The following FGF14 variants were observed in gnomAD, a reference collection of about 807,000 sequenced individuals.
FGF14 encodes fibroblast growth factor homologous factor 4.
In FGF14, 5 loss-of-function variants were observed where a neutral mutation model predicts 25.5. The ratio of observed to expected loss-of-function variants is 0.20; its 90% CI spans 0.10 to 0.41. The LOEUF (loss-of-function observed/expected upper bound fraction) is 0.41. Among genes scored for constraint, FGF14 ranks in the 10% least tolerant of loss-of-function variants. FGF14 has a pLI of 1.00. For synonymous variants in FGF14, 138 were observed against 118.3 expected, an observed-to-expected ratio of 1.17 and a Z score of -1.08; for missense variants, 222 against 320.1, an observed-to-expected ratio of 0.69 and a Z score of 2.34.
At chr13:102,349,513 C>T (rs1337117931) in intron 1 of FGF14, among the ~76,000 whole-genome samples, 2 of 152,276 alleles carry the variant, frequency 1.3e-5, no homozygotes, top group East Asian at 3.9e-4. Flanking sequence ...CTGATTTGAA[C>T]GTGTTGAACA....
chr13:102,064,682 C>T (rs1236735009), intron 1 of FGF14, among the ~76,000 whole-genome samples: 1 of 151,920 alleles, frequency 6.6e-6, no homozygotes, highest in African/African-American at 2.4e-5. Flanking sequence ...CTGGGTTCTG[C>T]ATCTGCAGAT....
intron 1 of FGF14, among the ~76,000 whole-genome samples, chr13:102,056,246 A>T (rs1307778986): frequency 2.6e-5 from 4 of 152,168 alleles, no homozygotes; most frequent in Non-Finnish European, 5.9e-5. Context: ...ATGACAGAAA[A>T]ATTTGCCAGC....
intron 1 of FGF14, among the ~76,000 whole-genome samples, chr13:101,956,506 C>T (rs998882378): frequency 1.3e-5 from 2 of 152,112 alleles, no homozygotes; most frequent in African/African-American, 4.8e-5. Context: ...TTATTGCTGG[C>T]TTCCTCACTC....
chr13:101,815,058 T>G (rs1202381977), intron 3 of FGF14, among the ~76,000 whole-genome samples: 1 of 152,196 alleles, frequency 6.6e-6, no homozygotes, highest in Non-Finnish European at 1.5e-5. Flanking sequence ...GGGAGCCTCA[T>G]GCTATCAAGT....
intron 1 of FGF14, among the ~76,000 whole-genome samples, chr13:102,019,184 GATCTTC>G (rs1278951495): frequency 6.6e-6 from 1 of 152,094 alleles, no homozygotes. Context: ...AACCATCCCA[GATCTTC>G]ATCTTGAGGT....
chr13:102,148,608 C>T (rs887842875), intron 1 of FGF14, among the ~76,000 whole-genome samples: 8 of 152,006 alleles, frequency 5.3e-5, no homozygotes, highest in Non-Finnish European at 1.0e-4. Flanking sequence ...CAGTAGCTCG[C>T]GACCAGCCTG....
Position 101,916,420 on chromosome 13 carries a change from G to A in FGF14, c.193+33C>T, listed in dbSNP as rs752770736. ...CGTTTAGGCGGGGAGGGGGCGACCCGGGGCGCATCTCCCGACCATGACCCC... is the reference window on the plus strand; with the variant it reads ...CGTTTAGGCGGGGAGGGGGCGACCCAGGGCGCATCTCCCGACCATGACCCC... On this transcript the variant is annotated intron_variant, in intron 1 of 4. Transcript: ENST00000376143. 6 of 1,612,640 alleles carry A rather than the reference G, an allele frequency of 3.7e-6. No individual in the cohort carries two copies. The East Asian group carries it at 8.9e-5, about 24-fold the overall frequency.
intron 1 of FGF14, among the ~76,000 whole-genome samples, chr13:101,933,973 A>ATT (rs2034936976): frequency 6.6e-6 from 1 of 152,196 alleles, no homozygotes; most frequent in African/African-American, 2.4e-5. Flanking sequence ...CAGGAAACAA[A>ATT]TTTTAACACA....
intron 1 of FGF14, among the ~76,000 whole-genome samples, chr13:102,254,649 G>T (rs1206577009): frequency 6.6e-6 from 1 of 152,112 alleles, no homozygotes; most frequent in Admixed American, 6.5e-5. Context: ...ACATTTGGGG[G>T]GCTAAAGAAT....
intron 1 of FGF14, among the ~76,000 whole-genome samples, chr13:102,084,335 T>G (rs373958468): frequency 7.2e-5 from 11 of 152,208 alleles, no homozygotes; most frequent in African/African-American, 2.7e-4. Flanking sequence ...TTGGTCTATT[T>G]TGGGTCACAG....
chr13:101,810,411 C>G (rs2041437076), intron 3 of FGF14, among the ~76,000 whole-genome samples: 1 of 152,194 alleles, frequency 6.6e-6, no homozygotes, highest in Non-Finnish European at 1.5e-5. Context: ...ATCCTTCCCA[C>G]CATTTACATC....
At chr13:102,392,327 C>T (rs1447812135) in intron 1 of FGF14, among the ~76,000 whole-genome samples, 1 of 152,186 alleles carries the variant, frequency 6.6e-6, no homozygotes, top group Non-Finnish European at 1.5e-5. Flanking sequence ...TACTTGACTC[C>T]TCAAACTGAA....
At chr13:102,180,845 C>G (rs531356425) in intron 1 of FGF14, among the ~76,000 whole-genome samples, 36 of 152,242 alleles carry the variant, frequency 2.4e-4, no homozygotes, top group African/African-American at 7.9e-4. Context: ...AGTCCTAAAT[C>G]TGGCAAACCT....
intron 1 of FGF14, among the ~76,000 whole-genome samples, chr13:102,283,895 G>A (rs948840360): frequency 1.3e-5 from 2 of 152,084 alleles, no homozygotes; most frequent in African/African-American, 2.4e-5. Context: ...TGAAAATAAT[G>A]CATACTGCAG....
intron 1 of FGF14, among the ~76,000 whole-genome samples, chr13:101,986,771 G>C (rs1423391574): frequency 6.6e-6 from 1 of 151,962 alleles, no homozygotes; most frequent in East Asian, 1.9e-4. Flanking sequence ...GTCTAAAACT[G>C]AACTCTTGAT....
At chr13:102,184,121 T>A (rs2048786848) in intron 1 of FGF14, among the ~76,000 whole-genome samples, 1 of 152,146 alleles carries the variant, frequency 6.6e-6, no homozygotes, top group African/African-American at 2.4e-5. Flanking sequence ...CCTGCTGTAC[T>A]CGTAGACACA....
At chr13:102,273,221 A>G (rs2053340846) in intron 1 of FGF14, among the ~76,000 whole-genome samples, 2 of 152,216 alleles carry the variant, frequency 1.3e-5, no homozygotes, top group South Asian at 4.1e-4. Flanking sequence ...GGACAGGGAC[A>G]CTAAAAAATA....
At chr13:102,055,965 T>A (rs2042411583) in intron 1 of FGF14, among the ~76,000 whole-genome samples, 1 of 152,080 alleles carries the variant, frequency 6.6e-6, no homozygotes, top group South Asian at 2.1e-4. Context: ...TATAAAACCA[T>A]CACATCTTAT....
intron 1 of FGF14, among the ~76,000 whole-genome samples, chr13:102,213,548 G>A (rs2050246964): frequency 6.6e-6 from 1 of 152,102 alleles, no homozygotes; most frequent in Non-Finnish European, 1.5e-5. Context: ...ATAAATCAAG[G>A]CCCAAAGGAG....
Sources: allele counts gnomAD v4.1 joint callset (sites outside exome capture counted in the v4.1 genomes callset), GRCh38; gene constraint gnomAD v4.1.1; transcripts MANE v1.5; gene names NCBI Gene and HGNC (gene_info 2026-07-23, HGNC 2026-07-21).